NFU1: variants seen among roughly 807,000 people sequenced by gnomAD.
The protein encoded by NFU1 is NFU1 iron-sulfur cluster scaffold.
NFU1 carries 30 observed loss-of-function variants against 32.2 expected under a neutral mutation model. That is an observed-to-expected ratio of 0.93 (90% CI 0.70 to 1.26). The LOEUF is 1.26. Ranked by LOEUF, NFU1 falls within the 50% of genes most tolerant of loss-of-function variation. The pLI, the probability that NFU1 is intolerant of heterozygous loss-of-function variation, is 0.00. For missense variants in NFU1, 306 were observed against 306.6 expected (o/e 1.00, Z 0.02); for synonymous variants, 112 against 104.6 (o/e 1.07, Z -0.43).
intron 3 of NFU1, among the ~76,000 whole-genome samples, chr2:69,420,028 C>T (rs1673188116): frequency 6.6e-6 from 1 of 151,064 alleles, no homozygotes; most frequent in Non-Finnish European, 1.5e-5. Context: ...TCTTTTGAGA[C>T]GGAGTCACCC....
At chr2:69,420,003 A>T (rs1439818276) in intron 3 of NFU1, among the ~76,000 whole-genome samples, 1 of 148,422 alleles carries the variant, frequency 6.7e-6, no homozygotes, top group African/African-American at 2.5e-5. Flanking sequence ...TAAACAGACT[A>T]TTTTTTTTTT....
intron 2 of NFU1, 66 bp downstream of exon 2, chr2:69,431,836 A>C (rs1673648661): frequency 1.0e-6 from 1 of 991,476 alleles, no homozygotes; most frequent in Non-Finnish European, 1.6e-6. Context: ...TTTATGATCC[A>C]CAAAATCCTA....
intron 3 of NFU1, among the ~76,000 whole-genome samples, chr2:69,422,514 C>A (rs1365976712): frequency 6.6e-6 from 1 of 152,080 alleles, no homozygotes; most frequent in Non-Finnish European, 1.5e-5. Context: ...ACAGATTCAA[C>A]TACCCTTATG....
At chr2:69,407,007 G>T (rs373534270) in intron 5 of NFU1, among the ~76,000 whole-genome samples, 1 of 152,032 alleles carries the variant, frequency 6.6e-6, no homozygotes, top group Non-Finnish European at 1.5e-5. Flanking sequence ...GTGAAGACTC[G>T]CGTGTTTGCT....
intron 5 of NFU1, among the ~76,000 whole-genome samples, chr2:69,412,248 A>C (rs1033097796): frequency 1.3e-5 from 2 of 151,416 alleles, no homozygotes; most frequent in Non-Finnish European, 2.9e-5. Flanking sequence ...ATGGGGTTTT[A>C]CCATGTTGGC....
In NFU1 at chr2:69,423,474, A is replaced by G. The variant is rs1007159246; in HGVS notation, c.302+108T>C. On this transcript the variant is annotated intron_variant, in intron 3 of 7. Transcript: ENST00000410022. Reference sequence around the variant, plus strand: ...AGAAATTATTTTCTACACTTAAAAAAAAATGCAGTGCACATAGAAATGCAA... The same window carrying G: ...AGAAATTATTTTCTACACTTAAAAAGAAATGCAGTGCACATAGAAATGCAA... 3.0e-6 allele frequency: 3 copies of G among 1,006,690 alleles called. No homozygotes were observed. In the African/African-American group the frequency reaches 4.9e-5, roughly 17 times the overall value. The allele number at this position is 1,006,690 out of a possible 1,614,324, so 62.4% of individuals were successfully genotyped here.
chr2:69,407,606 C>T (rs1298300774), intron 5 of NFU1, among the ~76,000 whole-genome samples: 6 of 143,726 alleles, frequency 4.2e-5, no homozygotes, highest in African/African-American at 1.3e-4. Context: ...ACCCAGATGG[C>T]GGAGGTTGAA....
intron 6 of NFU1, among the ~76,000 whole-genome samples, chr2:69,405,269 T>A (rs1169208365): frequency 6.6e-6 from 1 of 152,154 alleles, no homozygotes; most frequent in Non-Finnish European, 1.5e-5. Context: ...GGCTTACTTT[T>A]CTTAACTTCC....
At position 69,405,890 on chromosome 2, in the gene NFU1, C is replaced by T. The variant is rs575583589; in HGVS notation, c.545+132G>A. 21 of 662,798 alleles carry T rather than the reference C, an allele frequency of 3.2e-5. No homozygotes were observed. The African/African-American group carries it at 3.7e-4, about 12-fold the overall frequency. The allele number at this position is 662,798 out of a possible 1,614,324, so 41.1% of individuals were successfully genotyped here. ...GCTTTAAATTCAATTGTCACGGCTA[C>T]CTGTTGTGGTTTACATTAACTTGCA... On this transcript the variant is annotated intron_variant, in intron 6 of 7. Coordinates refer to ENST00000410022, the MANE Select transcript of NFU1 (RefSeq NM_001002755.4).
intron 5 of NFU1, among the ~76,000 whole-genome samples, chr2:69,408,335 G>T (rs1021975666): frequency 1.3e-5 from 2 of 152,072 alleles, no homozygotes; most frequent in African/African-American, 2.4e-5. Context: ...CTTTTATATA[G>T]ATTTGTCTTT....
rs1034754210 is a variant in NFU1 at position 69,437,227 on chromosome 2, G to C, written c.62+134C>G. On this transcript the variant is annotated intron_variant, in intron 1 of 7. Transcript: ENST00000410022. ...AGCCTCAGGGCTCACCCCCAACTAC[G>C]GCGACAGGGCGGACCCGCCGGCTCC... is the stretch of plus-strand genomic sequence containing the variant. 7 of 1,472,840 alleles carry C rather than the reference G, an allele frequency of 4.8e-6. No homozygotes were observed. The African/African-American group carries it at 5.6e-5, about 12-fold the overall frequency. The allele number at this position is 1,472,840 out of a possible 1,614,324, so 91.2% of individuals were successfully genotyped here. A position where few individuals can be genotyped will look rare whatever the true frequency, so the allele number is the denominator to read the frequency against.
chr2:69,417,482 TA>T (rs1177946128), intron 4 of NFU1, among the ~76,000 whole-genome samples: 4 of 100,774 alleles, frequency 4.0e-5, no homozygotes, highest in South Asian at 3.0e-4. Flanking sequence ...GTCTCTACAA[TA>T]AAAAAAAATA....
At chr2:69,439,057 G>C (rs968382618), upstream of NFU1, among the ~76,000 whole-genome samples, 2 of 151,908 alleles carry the variant, frequency 1.3e-5, no homozygotes, top group Admixed American at 1.3e-4. Flanking sequence ...CTTATCATAA[G>C]AAAAATCCTG....
chr2:69,397,361 G>T (rs1394962879), intron 7 of NFU1, among the ~76,000 whole-genome samples: 1 of 152,072 alleles, frequency 6.6e-6, no homozygotes, highest in East Asian at 1.9e-4. Context: ...ATCTTTCCAT[G>T]AGTTAATGTA....
chr2:69,397,660 C>T (rs1019412049), intron 7 of NFU1, among the ~76,000 whole-genome samples: 32 of 151,554 alleles, frequency 2.1e-4, no homozygotes, highest in Admixed American at 2.1e-3. Context: ...TGCCTGTAAT[C>T]CCAGCACTTT....
chr2:69,405,368 T>G (rs1672663944), intron 6 of NFU1, among the ~76,000 whole-genome samples: 1 of 152,250 alleles, frequency 6.6e-6, no homozygotes, highest in Admixed American at 6.5e-5. Context: ...ACAAATTTTC[T>G]GAAAGCCCAG....
At chr2:69,423,880 T>C (rs2104793953) in intron 2 of NFU1, among the ~76,000 whole-genome samples, 163 bp from the exon 3 acceptor site, 1 of 151,982 alleles carries the variant, frequency 6.6e-6, no homozygotes, top group African/African-American at 2.4e-5. Context: ...AAGAAAGAAA[T>C]ATATCACCAT....
rs1317957174 is a variant in NFU1, at chr2:69,431,972, A to C, written c.96T>G (p.Ile32Met). The C allele has an allele frequency of 6.2e-7, 1 of 1,613,460 alleles. No individual in the cohort carries two copies. The highest frequency in any genetic ancestry group is 1.7e-5 in the Admixed American group (1 of 60,016). The change falls in exon 2 of 8, where the codon ATT (isoleucine) becomes ATG (methionine). Residue 32 changes from isoleucine (I) to methionine (M), a missense_variant. Transcript: ENST00000410022. ...FCHMLKNPYT[I>M]KKQPLHQFVQ... is the part of the protein sequence containing the mutation. ...CAAACTGATGCAGAGGCTGTTTCTT[A>C]ATGGTGTATGGATTCTTCAACATAT...
chr2:69,403,669 C>G (rs141387602), intron 6 of NFU1, among the ~76,000 whole-genome samples: 1 of 151,802 alleles, frequency 6.6e-6, no homozygotes, highest in African/African-American at 2.4e-5. Context: ...TAGGTGTGAG[C>G]ACCGTGCCCA....
Sources: gnomAD v4.1 joint callset for allele counts (sites outside exome capture counted in the v4.1 genomes callset) on GRCh38, gnomAD v4.1.1 for gene constraint, MANE v1.5 for transcripts, NCBI Gene and HGNC (gene_info 2026-07-23, HGNC 2026-07-21) for gene names.